Variants in NRXN1 observed in about 807,000 individuals in gnomAD.
NRXN1 encodes the protein neurexin-1.
In NRXN1, 39 loss-of-function variants were observed where a neutral mutation model predicts 150.9. That is an observed-to-expected ratio of 0.26 (90% CI 0.20 to 0.34). The LOEUF is 0.34. Among genes scored for constraint, NRXN1 ranks in the 10% least tolerant of loss-of-function variants. NRXN1 has a pLI of 1.00. For missense variants in NRXN1, 1,815 were observed against 1,949.9 expected, an observed-to-expected ratio of 0.93 and a Z score of 1.30; for synonymous variants, 924 against 757.0, an observed-to-expected ratio of 1.22 and a Z score of -3.62.
chr2:50,436,648 G>A (rs1312938914), intron 17 of NRXN1, among the ~76,000 whole-genome samples: 2 of 152,198 alleles, frequency 1.3e-5, no homozygotes, highest in Non-Finnish European at 2.9e-5. Context: ...AGAACAAGGA[G>A]ATGAGTAGCA....
Position 50,846,385 on chromosome 2 carries a change from C to A in NRXN1, c.832+75484G>T, listed in dbSNP as rs191218782. Among the ~76,000 whole-genome samples, 531 of 152,164 alleles carry A rather than the reference C, an allele frequency of 3.5e-3. 2 individuals carry two copies. The highest frequency in any genetic ancestry group is 6.8e-3 in the Middle Eastern group (2 of 294). On this transcript the variant is annotated intron_variant, in intron 5 of 22. Transcript: ENST00000401669. Reference sequence around the variant, plus strand: ...CTCATTCAAATCAATCTACTGCACTCGCCAGCCAGTTAACAACCTCTGGGT... The same window carrying A: ...CTCATTCAAATCAATCTACTGCACTAGCCAGCCAGTTAACAACCTCTGGGT...
At chr2:50,177,328 C>A (rs1309415477) in intron 18 of NRXN1, among the ~76,000 whole-genome samples, 9 of 151,874 alleles carry the variant, frequency 5.9e-5, no homozygotes, top group Non-Finnish European at 1.3e-4. Context: ...GTTTCATGCA[C>A]GTTAAATAGT....
chr2:50,796,339 C>T (rs1414235913), intron 5 of NRXN1, among the ~76,000 whole-genome samples: 1 of 152,146 alleles, frequency 6.6e-6, no homozygotes, highest in East Asian at 1.9e-4. Flanking sequence ...TTGGATCACT[C>T]TGTTCTGAAC....
intron 2 of NRXN1, among the ~76,000 whole-genome samples, chr2:50,930,823 T>G (rs1687631977): frequency 6.6e-6 from 1 of 152,114 alleles, no homozygotes; most frequent in African/African-American, 2.4e-5. Context: ...AGCAGAGTGC[T>G]TATCACATAC....
rs116140778 is a variant in NRXN1 at position 50,569,060 on chromosome 2, A to G, written c.1321-16035T>C. 7.1e-3 allele frequency among the ~76,000 whole-genome samples: 1,085 copies of G among 152,248 alleles called. 14 individuals are homozygous for G. Among genetic ancestry groups the G allele is most frequent in the African/African-American group, 0.024 (997 of 41,572 alleles). On this transcript the variant is annotated intron_variant, in intron 8 of 22. Transcript: ENST00000401669. The stretch of plus-strand genomic sequence containing the variant: ...CCAGGCATAGAAAGGCAAACGTTGC[A>G]TGTTTTCACCTATTTCTGGGAGCTA...
At position 50,523,145 on chromosome 2, in the gene NRXN1, T is replaced by TG. The variant is rs2092843922; in HGVS notation, c.2374+5479_2374+5480insC. 1.1e-4 allele frequency among the ~76,000 whole-genome samples: 4 copies of TG among 35,952 alleles called. No individual in the cohort carries two copies. In the South Asian group the frequency reaches 4.0e-3, roughly 36 times the overall value. 23.6% of individuals were successfully genotyped at this position (35,952 alleles called of 152,430 possible). A position where few individuals can be genotyped will look rare whatever the true frequency, so the allele number is the denominator to read the frequency against. Reference sequence around the variant, plus strand: ...CATTCTTTACATTTTACATGCAATTTTTTTTGATTTTTGCTGAAAATAATA... The same window carrying TG: ...CATTCTTTACATTTTACATGCAATTTGTTTTTGATTTTTGCTGAAAATAATA... On this transcript the variant is annotated intron_variant, in intron 12 of 22. Transcript: ENST00000401669.
At chr2:50,998,211 A>G (rs919860043) in intron 2 of NRXN1, among the ~76,000 whole-genome samples, 2 of 141,648 alleles carry the variant, frequency 1.4e-5, no homozygotes, top group Non-Finnish European at 3.0e-5. Flanking sequence ...CAAAACTTCA[A>G]TAAGTTTATC....
intron 17 of NRXN1, among the ~76,000 whole-genome samples, chr2:50,309,685 G>A (rs182367735): frequency 6.0e-4 from 91 of 152,130 alleles, no homozygotes; most frequent in Admixed American, 4.6e-3. Flanking sequence ...AGCCTATATC[G>A]TCTAGACTAA....
intron 17 of NRXN1, among the ~76,000 whole-genome samples, chr2:50,258,441 T>G (rs913914319): frequency 3.9e-5 from 6 of 151,982 alleles, no homozygotes; most frequent in African/African-American, 1.4e-4. Flanking sequence ...AGTTTTATCA[T>G]GAGATTGCAG....
intron 5 of NRXN1, among the ~76,000 whole-genome samples, chr2:50,806,733 G>C (rs574424030): frequency 6.6e-6 from 1 of 150,866 alleles, no homozygotes. Context: ...TTTCCACTCT[G>C]TCTCTCTCTC....
At chr2:50,940,300 C>T (rs968366763) in intron 2 of NRXN1, among the ~76,000 whole-genome samples, 3 of 151,804 alleles carry the variant, frequency 2.0e-5, no homozygotes, top group East Asian at 1.9e-4. Context: ...CATGGTGAAA[C>T]CCCATCTCTA....
At chr2:50,001,053 G>T (rs368042556) in intron 21 of NRXN1, among the ~76,000 whole-genome samples, 1 of 152,248 alleles carries the variant, frequency 6.6e-6, no homozygotes, top group South Asian at 2.1e-4. Context: ...AGGAAAGAGA[G>T]AATAGGTACT....
rs1573517782 is a variant in NRXN1, at chr2:50,552,753, C to G, written c.1593G>C (p.Lys531Asn). 1.2e-6 allele frequency: 2 copies of G among 1,613,956 alleles called. No individual in the cohort carries two copies. The highest frequency in any genetic ancestry group is 1.7e-6 in the Non-Finnish European group (2 of 1,179,878). The change falls in exon 9 of 23, where the codon AAG (lysine) becomes AAC (asparagine). Residue 531 changes from lysine (K) to asparagine (N), a missense_variant. Physicochemically the swap from Lys to Asn is moderately conservative, Grantham distance 94. This residue lies in a region of NRXN1 where 638 missense variants were observed against 652.6 expected (regional missense o/e 0.98). Transcript: ENST00000401669. ...AGTCCACCTTTATCATCTGTGGGTG[C>G]TTGGCATCTTTCTGATGTCTTGGCT... Reference protein sequence around the residue: ...HGKPRHQKDAKHPQMIKVDFF... With the variant: ...HGKPRHQKDANHPQMIKVDFF...
intron 5 of NRXN1, among the ~76,000 whole-genome samples, chr2:50,665,474 G>A (rs1335146666): frequency 2.0e-5 from 3 of 151,470 alleles, no homozygotes; most frequent in African/African-American, 4.9e-5. Flanking sequence ...ATAATCTGCC[G>A]AATCAAATAA....
chr2:50,216,089 C>T (rs572632705), intron 18 of NRXN1, among the ~76,000 whole-genome samples: 112 of 152,086 alleles, frequency 7.4e-4, no homozygotes, highest in African/African-American at 2.2e-3. Context: ...GATACAGTGG[C>T]TCATGTCTGT....
At chr2:49,969,527 A>G (rs1677571714) in intron 21 of NRXN1, among the ~76,000 whole-genome samples, 2 of 150,312 alleles carry the variant, frequency 1.3e-5, no homozygotes, top group African/African-American at 2.5e-5. Flanking sequence ...TTAGTTTTAT[A>G]TATGTAATTA....
chr2:50,288,462 A>G (rs535039572), intron 17 of NRXN1, among the ~76,000 whole-genome samples: 1 of 152,292 alleles, frequency 6.6e-6, no homozygotes, highest in African/African-American at 2.4e-5. Context: ...GATAAAAATG[A>G]AGAAAGAATA....
At chr2:50,162,516 T>C (rs907683962) in intron 18 of NRXN1, among the ~76,000 whole-genome samples, 3 of 152,076 alleles carry the variant, frequency 2.0e-5, no homozygotes, top group African/African-American at 7.2e-5. Context: ...AACAGTGCAC[T>C]ATGAAATAAA....
intron 17 of NRXN1, among the ~76,000 whole-genome samples, chr2:50,386,611 C>A (rs1019253008): frequency 6.6e-6 from 1 of 152,178 alleles, no homozygotes; most frequent in East Asian, 1.9e-4. Context: ...ATTGTGGGGG[C>A]AAATTGACAG....
Sources: gnomAD v4.1 joint callset for allele counts (sites outside exome capture counted in the v4.1 genomes callset) on GRCh38, gnomAD v4.1.1 for gene constraint, gnomAD v4.1.1 regional missense constraint, MANE v1.5 for transcripts, NCBI Gene and HGNC (gene_info 2026-07-23, HGNC 2026-07-21) for gene names.